The following NFATC3 variants were observed in gnomAD, a reference collection of about 807,000 sequenced individuals.
The protein encoded by NFATC3 is nuclear factor of activated T cells 3.
A neutral mutation model predicts 98.6 loss-of-function variants in NFATC3; 46 were observed. That is an observed-to-expected ratio of 0.47 (90% confidence interval 0.37 to 0.60). The LOEUF is 0.60. NFATC3 is among the 20% of genes least tolerant of loss of function. The pLI is 0.00. For synonymous variants in NFATC3, 512 were observed against 472.2 expected, an observed-to-expected ratio of 1.08 and a Z score of -1.09; for missense variants, 1,256 against 1,295.5, an observed-to-expected ratio of 0.97 and a Z score of 0.47.
At chr16:68,170,313 C>T (rs1009934028) in intron 5 of NFATC3, among the ~76,000 whole-genome samples, 3 of 149,842 alleles carry the variant, frequency 2.0e-5, no homozygotes, top group African/African-American at 7.4e-5. Flanking sequence ...ATCACTTGAA[C>T]CTGGGAGGCT....
At chr16:68,192,332 T>TATAGAG (rs1249886948) in intron 9 of NFATC3, 11 of 134,478 alleles carry the variant, frequency 8.2e-5, no homozygotes, top group South Asian at 2.3e-4. Context: ...TATATATATA[T>TATAGAG]AGAGAGAGAG....
intron 1 of NFATC3, among the ~76,000 whole-genome samples, chr16:68,088,482 G>GTATATAATATATAAAATATATTTTA (rs1555512195): frequency 6.9e-6 from 1 of 144,034 alleles, no homozygotes; most frequent in Non-Finnish European, 1.5e-5. Context: ...TATATGTAGT[G>GTATATAATATATAAAATATATTTTA]TATATAATAT....
At chr16:68,144,582 C>G (rs1382664480) in intron 3 of NFATC3, among the ~76,000 whole-genome samples, 1 of 152,204 alleles carries the variant, frequency 6.6e-6, no homozygotes, top group Middle Eastern at 3.4e-3. Context: ...TGAGCTCAAG[C>G]GATCCATCCA....
intron 1 of NFATC3, among the ~76,000 whole-genome samples, chr16:68,112,817 C>T (rs534095708): frequency 2.0e-5 from 3 of 151,590 alleles, no homozygotes; most frequent in Admixed American, 6.6e-5. Flanking sequence ...CTTGTTTGCC[C>T]GTCTTATTTT....
chr16:68,152,064 CAA>C (rs113165246), intron 3 of NFATC3, among the ~76,000 whole-genome samples: 1,791 of 80,262 alleles, frequency 0.022, 40 homozygotes, highest in African/African-American at 0.063. Flanking sequence ...GGCTCCGTTT[CAA>C]AAAAAAAAAA....
chr16:68,085,859 C>A, intron 1 of NFATC3, 75 bp downstream of exon 1: 1 of 1,145,920 alleles, frequency 8.7e-7, no homozygotes, highest in Non-Finnish European at 1.2e-6. Flanking sequence ...CCTCCCTGTT[C>A]CCTTGGATGA....
intron 1 of NFATC3, among the ~76,000 whole-genome samples, chr16:68,106,019 C>T (rs996701084): frequency 6.6e-6 from 1 of 151,930 alleles, no homozygotes; most frequent in Non-Finnish European, 1.5e-5. Flanking sequence ...GCTGGGATTA[C>T]CACCACGCCA....
chr16:68,135,225 G>A (rs898846436), intron 3 of NFATC3, among the ~76,000 whole-genome samples: 21 of 152,036 alleles, frequency 1.4e-4, no homozygotes, highest in Admixed American at 6.6e-5. Context: ...ATGGGAGGCC[G>A]AGATGGACGG....
At chr16:68,181,791 G>A (rs2039958867) in intron 7 of NFATC3, among the ~76,000 whole-genome samples, 1 of 152,104 alleles carries the variant, frequency 6.6e-6, no homozygotes, top group African/African-American at 2.4e-5. Flanking sequence ...GCCATGCGTG[G>A]TGAGGTGCGC....
At chr16:68,158,124 A>G (rs2038707587) in intron 4 of NFATC3, 56 bp downstream of exon 4, 1 of 1,099,578 alleles carries the variant, frequency 9.1e-7, no homozygotes, top group East Asian at 2.6e-5. Flanking sequence ...ACTTTCAGAA[A>G]AAAAGTAAAT....
intron 4 of NFATC3, among the ~76,000 whole-genome samples, chr16:68,165,920 C>T (rs2039170717): frequency 6.6e-6 from 1 of 152,210 alleles, no homozygotes; most frequent in Admixed American, 6.5e-5. Context: ...TTTGTAGCTT[C>T]TGTTGTTTCC....
chr16:68,133,720 G>T (rs1235538973), intron 3 of NFATC3, among the ~76,000 whole-genome samples: 1 of 152,024 alleles, frequency 6.6e-6, no homozygotes, highest in Non-Finnish European at 1.5e-5. Context: ...TCAACATTAT[G>T]ATTGTGGGAT....
chr16:68,174,880 A>G (rs2039615396), intron 6 of NFATC3, among the ~76,000 whole-genome samples: 1 of 152,196 alleles, frequency 6.6e-6, no homozygotes, highest in African/African-American at 2.4e-5. Context: ...ATAATTTAAG[A>G]TGTCTGAAAA....
At chr16:68,114,573 G>A (rs189314418) in intron 1 of NFATC3, among the ~76,000 whole-genome samples, 227 of 147,492 alleles carry the variant, frequency 1.5e-3, no homozygotes, top group Non-Finnish European at 2.9e-3. Flanking sequence ...CCAAGGAAAA[G>A]CACTTTTTTT....
chr16:68,152,209 CAAAAAAAAA>C (rs769742861), intron 3 of NFATC3, among the ~76,000 whole-genome samples: 1 of 103,480 alleles, frequency 9.7e-6, no homozygotes, highest in African/African-American at 3.7e-5. Flanking sequence ...CTAAAGATAC[CAAAAAAAAA>C]AAAAAAAAAA....
intron 1 of NFATC3, among the ~76,000 whole-genome samples, chr16:68,098,271 CTATTATTAT>C (rs1314480778): frequency 8.4e-4 from 104 of 123,518 alleles, no homozygotes; most frequent in Middle Eastern, 4.4e-3. Context: ...AACTTTTTGT[CTATTATTAT>C]TATTATTATT....
chr16:68,156,697 T>C (rs1009000810), intron 3 of NFATC3, among the ~76,000 whole-genome samples: 3 of 152,084 alleles, frequency 2.0e-5, no homozygotes, highest in African/African-American at 7.2e-5. Flanking sequence ...CTCAGCACTT[T>C]GGGAGGTCGA....
intron 1 of NFATC3, among the ~76,000 whole-genome samples, chr16:68,095,515 G>A (rs1447633207): frequency 6.6e-6 from 1 of 151,794 alleles, no homozygotes; most frequent in Non-Finnish European, 1.5e-5. Flanking sequence ...CACCGTGCCT[G>A]GCTAATTTTT....
At chr16:68,085,964 G>T in intron 1 of NFATC3, 180 bp downstream of exon 1, 1 of 471,508 alleles carries the variant, frequency 2.1e-6, no homozygotes, top group Non-Finnish European at 3.7e-6. Flanking sequence ...GTGGGTCGCT[G>T]CGACGTGGAA....
Sources: gnomAD v4.1 joint callset for allele counts (sites outside exome capture counted in the v4.1 genomes callset) on GRCh38, gnomAD v4.1.1 for gene constraint, MANE v1.5 for transcripts, NCBI Gene and HGNC (gene_info 2026-07-23, HGNC 2026-07-21) for gene names.